Variants in ROS1 observed in about 807,000 individuals in gnomAD.
ROS1 encodes proto-oncogene tyrosine-protein kinase ROS.
ROS1 carries 263 observed loss-of-function variants against 273.5 expected under a neutral mutation model. That is an observed-to-expected ratio of 0.96 (90% confidence interval 0.87 to 1.06). ROS1 has a LOEUF of 1.06. ROS1 is among the 50% of genes least tolerant of loss of function. ROS1 has a pLI of 0.00. For missense variants in ROS1, 2,833 were observed against 2,751.1 expected, an observed-to-expected ratio of 1.03 and a Z score of -0.67; for synonymous variants, 1,008 against 954.1, an observed-to-expected ratio of 1.06 and a Z score of -1.04.
intron 3 of ROS1, among the ~76,000 whole-genome samples, chr6:117,416,050 C>T (rs1249779841): frequency 6.6e-6 from 1 of 152,164 alleles, no homozygotes; most frequent in Admixed American, 6.5e-5. Context: ...CCTTCCGTGA[C>T]CTCTAGTCAC....
chr6:117,418,528 T>A (rs1367324075), intron 1 of ROS1, 22 bp from the exon 2 acceptor site: 1 of 1,587,968 alleles, frequency 6.3e-7, no homozygotes, highest in East Asian at 2.3e-5. Flanking sequence ...AAGGAGGTAG[T>A]AAACACCAGC....
chr6:117,359,933 A>G lies in ROS1; in HGVS notation c.3509T>C (p.Val1170Ala). ...VFLDMDQNQV[V>A]WTFSAERVIS... is the part of the protein sequence containing the mutation. ...AACTCTTTCTGCTGAAAACGTCCAC[A>G]CAACTTGATTTTGATCCATATCTAA... The change falls in exon 24 of 44, where the codon GTG (valine) becomes GCG (alanine). Residue 1170 changes from valine to alanine, a missense_variant. Val to Ala is a moderately conservative substitution (Grantham distance 64, BLOSUM62 0). Transcript: ENST00000368507. The G allele has an allele frequency of 6.2e-7, 1 of 1,613,974 alleles. No individual in the cohort carries two copies. Among genetic ancestry groups the G allele is most frequent in the East Asian group, 2.2e-5 (1 of 44,870 alleles).
At chr6:117,391,957 T>C (rs1323956390) in intron 12 of ROS1, among the ~76,000 whole-genome samples, 1 of 152,214 alleles carries the variant, frequency 6.6e-6, no homozygotes, top group East Asian at 1.9e-4. Flanking sequence ...TTATCATTTC[T>C]AGTCACATTG....
intron 22 of ROS1, among the ~76,000 whole-genome samples, 194 bp from the exon 23 acceptor site, chr6:117,360,599 G>A (rs1779719393): frequency 6.6e-6 from 1 of 151,994 alleles, no homozygotes; most frequent in South Asian, 2.1e-4. Context: ...TATTTATGTT[G>A]ACAGATTTTT....
intron 18 of ROS1, among the ~76,000 whole-genome samples, chr6:117,367,645 C>A (rs1780378887): frequency 6.6e-6 from 1 of 152,168 alleles, no homozygotes; most frequent in South Asian, 2.1e-4. Context: ...GGGGATTCTT[C>A]AGAAACAGAT....
intron 31 of ROS1, among the ~76,000 whole-genome samples, chr6:117,339,711 C>A (rs920125797): frequency 6.6e-6 from 1 of 152,090 alleles, no homozygotes; most frequent in Non-Finnish European, 1.5e-5. Flanking sequence ...TGCCTGGAAC[C>A]TGTGTTGAGC....
chr6:117,425,080 A>T (rs922676020), intron 1 of ROS1, among the ~76,000 whole-genome samples: 12 of 152,216 alleles, frequency 7.9e-5, no homozygotes, highest in African/African-American at 1.2e-4. Flanking sequence ...ACAAATAATT[A>T]TTGCTTTAAA....
chr6:117,345,376 T>C (rs551606894), intron 27 of ROS1, among the ~76,000 whole-genome samples: 76 of 152,330 alleles, frequency 5.0e-4, no homozygotes, highest in African/African-American at 1.7e-3. Flanking sequence ...CTCACTCCAC[T>C]TCACGTGTTC....
intron 38 of ROS1, 83 bp downstream of exon 38, chr6:117,318,105 T>C (rs549038872): frequency 2.1e-6 from 2 of 946,414 alleles, no homozygotes; most frequent in Non-Finnish European, 3.4e-6. Flanking sequence ...ATCCGTTAAG[T>C]CATGTCATTT....
intron 11 of ROS1, 98 bp from the exon 12 acceptor site, chr6:117,393,419 G>A (rs1773231565): frequency 1.2e-6 from 1 of 821,724 alleles, no homozygotes; most frequent in Non-Finnish European, 2.0e-6. Flanking sequence ...TGTTGGAATT[G>A]TACTAGGCAC....
chr6:117,326,543 C>T (rs912074422), intron 33 of ROS1, 129 bp from the exon 34 acceptor site: 3 of 569,034 alleles, frequency 5.3e-6, no homozygotes, highest in African/African-American at 3.9e-5. Context: ...GACCTCATTC[C>T]TCTCCCATAA....
At chr6:117,302,970 C>A (rs1431119945) in intron 42 of ROS1, among the ~76,000 whole-genome samples, 1 of 152,154 alleles carries the variant, frequency 6.6e-6, no homozygotes. Context: ...TTCTTCACTT[C>A]CCCAGGGCTT....
At position 117,373,599 on chromosome 6, in the gene ROS1, G is replaced by A. The variant is rs145813476; in HGVS notation, c.2582+5460C>T. ...TCTGAGTGCGGGGCCCGCCAAGCCCGCACCCACCCAGAACTCGTGCTGGCC... is the reference window on the plus strand; with the variant it reads ...TCTGAGTGCGGGGCCCGCCAAGCCCACACCCACCCAGAACTCGTGCTGGCC... On this transcript the variant is annotated intron_variant, in intron 18 of 43. Transcript: ENST00000368507. 6.5e-3 allele frequency among the ~76,000 whole-genome samples: 988 copies of A among 152,328 alleles called. 14 individuals are homozygous for A. The highest frequency in any genetic ancestry group is 0.023 in the African/African-American group (941 of 41,580).
rs1451070985 is a variant in ROS1, at chr6:117,288,644, C to T, written c.6874G>A (p.Glu2292Lys). The T allele has an allele frequency of 6.2e-7, 1 of 1,614,146 alleles. No homozygotes were observed. The highest frequency in any genetic ancestry group is 8.5e-7 in the Non-Finnish European group (1 of 1,180,024). Residue 2292 changes from glutamate to lysine, a missense_variant, in exon 44 of 44, where the codon GAA (glutamate) becomes AAA (lysine). Physicochemically the swap from Glu to Lys is moderately conservative, Grantham distance 56 (BLOSUM62 1). Transcript: ENST00000368507. ...SEGPLGSQES[E>K]SCGLRKEEKE... ...TCTTCTTTCCTCAGACCACAAGATTCAGATTCCTGGGAGCCTAGAGGACCC... is the reference window on the plus strand; with the variant it reads ...TCTTCTTTCCTCAGACCACAAGATTTAGATTCCTGGGAGCCTAGAGGACCC...
intron 7 of ROS1, among the ~76,000 whole-genome samples, chr6:117,399,036 G>C (rs1476197192): frequency 6.6e-6 from 1 of 150,928 alleles, no homozygotes; most frequent in Non-Finnish European, 1.5e-5. Context: ...AAAGAGAATA[G>C]GGTTATGAGG....
intron 23 of ROS1, 56 bp from the exon 24 acceptor site, chr6:117,360,067 C>A: frequency 7.1e-7 from 1 of 1,403,362 alleles, no homozygotes; most frequent in Non-Finnish European, 1.0e-6. Context: ...TTTAGCTTAG[C>A]AAAGTCTCGA....
intron 9 of ROS1, among the ~76,000 whole-genome samples, chr6:117,395,385 C>T (rs1013193567): frequency 6.6e-6 from 1 of 152,102 alleles, no homozygotes; most frequent in African/African-American, 2.4e-5. Context: ...CTCTCCTTTC[C>T]TAGAGTCTAG....
intron 21 of ROS1, among the ~76,000 whole-genome samples, chr6:117,364,423 A>G (rs1780038998): frequency 6.6e-6 from 1 of 152,186 alleles, no homozygotes; most frequent in Admixed American, 6.5e-5. Context: ...CTTAGTAACT[A>G]TTTTATTTGG....
chr6:117,361,071 T>C (rs1779761794), intron 22 of ROS1, among the ~76,000 whole-genome samples: 1 of 152,134 alleles, frequency 6.6e-6, no homozygotes, highest in Non-Finnish European at 1.5e-5. Context: ...TGGACCAGGA[T>C]ACTAATAAAG....
Sources: gnomAD v4.1 joint callset for allele counts (sites outside exome capture counted in the v4.1 genomes callset) on GRCh38, gnomAD v4.1.1 for gene constraint, MANE v1.5 for transcripts, NCBI Gene and HGNC (gene_info 2026-07-23, HGNC 2026-07-21) for gene names.